Variants in ZYX observed in about 807,000 individuals in gnomAD.
ZYX encodes zyxin.
In ZYX, 37 loss-of-function variants were observed where a neutral mutation model predicts 58.1. That is an observed-to-expected ratio of 0.64 (90% CI 0.49 to 0.84). The LOEUF (loss-of-function observed/expected upper bound fraction) is 0.84, where lower values mean the gene tolerates loss of function less well. Ranked by LOEUF, ZYX falls within the 40% of genes least tolerant of loss-of-function variation. The probability of loss-of-function intolerance (pLI) is 0.00; values close to 1 mark genes in which losing one functional copy is unlikely to be tolerated. For missense variants in ZYX, 762 were observed against 761.6 expected (o/e 1.00, Z -0.01); for synonymous variants, 324 against 321.1 (o/e 1.01, Z -0.10).
In ZYX at chr7:143,382,359, C is replaced by T. The variant is rs1465309774; in HGVS notation, c.320C>T (p.Ala107Val). Residue 107 changes from alanine (A) to valine (V), a missense_variant, in exon 3 of 10, where the codon GCG (alanine) becomes GTG (valine). Transcript: ENST00000322764. ...PPPIEESFPP[A>V]PLEEEIFPSP... ...CCGATCGAGGAATCATTTCCCCCTG[C>T]GCCTCTGGAGGAGGAGATCTTCCCT... The T allele has an allele frequency of 6.3e-7, 1 of 1,599,536 alleles. No homozygotes were observed. Among genetic ancestry groups the T allele is most frequent in the East Asian group, 2.2e-5 (1 of 44,614 alleles).
Position 143,388,583 on chromosome 7 carries a change from C to T in ZYX, c.1239C>T (p.His413=). 1 of 1,612,710 alleles carries T rather than the reference C, an allele frequency of 6.2e-7. No homozygotes were observed. Among genetic ancestry groups the T allele is most frequent in the South Asian group, 1.1e-5 (1 of 91,088 alleles). Residue 413 remains histidine, a synonymous_variant, in exon 7 of 10, where the codon CAC becomes CAT. Coordinates refer to ENST00000322764, the MANE Select transcript of ZYX (RefSeq NM_003461.5). The surrounding 1 kb of genome is among the most constrained non-coding windows in gnomAD (Gnocchi z 7.5). ...TCCACATCGCCTGCTTCACCTGCCA[C>T]CAGTGTGCGCAGCAGCTCCAGGGCC... ...QLFHIACFTC[H]QCAQQLQGQQ...
intron 5 of ZYX, among the ~76,000 whole-genome samples, chr7:143,385,061 C>G (rs927596123): frequency 8.6e-5 from 13 of 151,914 alleles, no homozygotes; most frequent in Non-Finnish European, 1.6e-4. Flanking sequence ...CCAGGAGGTG[C>G]GGGAAGAAGA....
chr7:143,390,248 C>T lies in ZYX; in HGVS notation c.1614+271C>T, dbSNP rs1454074155. 2.0e-5 allele frequency: 11 copies of T among 544,102 alleles called. No individual in the cohort carries two copies. The highest frequency in any genetic ancestry group is 6.4e-5 in the East Asian group (2 of 31,060). The allele number at this position is 544,102 out of a possible 1,614,324, so 33.7% of individuals were successfully genotyped here. The stretch of plus-strand genomic sequence containing the variant: ...AGAGAAGAAGGGCATGGTGTTTTAC[C>T]GTGGTAGGGGATGGGGAAACAGGAG... On this transcript the variant is annotated intron_variant, in intron 9 of 9. Transcript: ENST00000322764. This position sits in a 1 kb window ranked among gnomAD's most constrained non-coding sequence, Gnocchi z 4.3.
chr7:143,388,737 C>G lies in ZYX; in HGVS notation c.1315-30C>G. On this transcript the variant is annotated intron_variant, in intron 7 of 9. Transcript: ENST00000322764. The surrounding 1 kb of genome is among the most constrained non-coding windows in gnomAD (Gnocchi z 7.5). ...GAAGCTTGCTGTGGGGTGCCGGTTCCCTGCCAACCTCCTCCTGCTGCCTCC... is the reference window on the plus strand; with the variant it reads ...GAAGCTTGCTGTGGGGTGCCGGTTCGCTGCCAACCTCCTCCTGCTGCCTCC... 1 of 1,610,254 alleles carries G rather than the reference C, an allele frequency of 6.2e-7. No homozygotes were observed. Among genetic ancestry groups the G allele is most frequent in the Non-Finnish European group, 8.5e-7 (1 of 1,177,514 alleles).
rs1489981327 is a variant in ZYX, at chr7:143,383,409, G to A, written c.1023+87G>A. On this transcript the variant is annotated intron_variant, in intron 5 of 9. Transcript: ENST00000322764. Reference sequence around the variant, plus strand: ...GCCAGAGCATAAGCATAAGGTGATTGGAGAGTCAGGGTGGACACGGGGGTT... The same window carrying A: ...GCCAGAGCATAAGCATAAGGTGATTAGAGAGTCAGGGTGGACACGGGGGTT... 2.0e-6 allele frequency: 3 copies of A among 1,464,262 alleles called. No homozygotes were observed. In the African/African-American group the frequency reaches 4.3e-5, roughly 21 times the overall value. The allele number at this position is 1,464,262 out of a possible 1,614,324, so 90.7% of individuals were successfully genotyped here.
rs531748711 is a variant in ZYX, at chr7:143,382,169, G to T, written c.209-79G>T. On this transcript the variant is annotated intron_variant, in intron 2 of 9. Transcript: ENST00000322764. ...CCCCTGAGAGAGTTCTTGGGTTAGG[G>T]GTTAGAGCGGTTAACTGAGGGGAGC... is the stretch of plus-strand genomic sequence containing the variant. 4 of 1,222,892 alleles carry T rather than the reference G, an allele frequency of 3.3e-6. No homozygotes were observed. In the Admixed American group the frequency reaches 6.0e-5, roughly 18 times the overall value. The allele number at this position is 1,222,892 out of a possible 1,614,324, so 75.8% of individuals were successfully genotyped here.
At position 143,387,813 on chromosome 7, in the gene ZYX, C is replaced by T. The variant is rs773267435; in HGVS notation, c.1024-406C>T. 2.1e-5 allele frequency: 10 copies of T among 475,886 alleles called. No individual in the cohort carries two copies. Among genetic ancestry groups the T allele is most frequent in the Admixed American group, 2.3e-5 (1 of 42,674 alleles). The allele number at this position is 475,886 out of a possible 1,614,324, so 29.5% of individuals were successfully genotyped here. A position where few individuals can be genotyped will look rare whatever the true frequency, so the allele number is the denominator to read the frequency against. On this transcript the variant is annotated intron_variant, in intron 5 of 9. Transcript: ENST00000322764. This position sits in a 1 kb window ranked among gnomAD's most constrained non-coding sequence, Gnocchi z 5.8. ...GTAGGTGTGTGTGCGCGTGTGTGCA[C>T]GCCATTGCGTGCCCCTGTCCCATGG...
Position 143,388,713 on chromosome 7 carries a change from A to C in ZYX, c.1315-54A>C, listed in dbSNP as rs1804956949. ...GCTGTGCTGGGCAGTCGGGCCCTGG[A>C]AGCTTGCTGTGGGGTGCCGGTTCCC... On this transcript the variant is annotated intron_variant, in intron 7 of 9. Coordinates refer to ENST00000322764, the MANE Select transcript of ZYX (RefSeq NM_003461.5). The surrounding 1 kb of genome is among the most constrained non-coding windows in gnomAD (Gnocchi z 7.5). The C allele has an allele frequency of 1.9e-6, 3 of 1,608,926 alleles. No individual in the cohort carries two copies. The Admixed American group carries it at 5.0e-5, about 27-fold the overall frequency.
At chr7:143,382,152 A>C in intron 2 of ZYX, 96 bp from the exon 3 acceptor site, 3 of 1,042,468 alleles carry the variant, frequency 2.9e-6, no homozygotes, top group Non-Finnish European at 4.2e-6. Flanking sequence ...GACCCCTGAG[A>C]GAGTTCTTGG....
At position 143,383,098 on chromosome 7, in the gene ZYX, T is replaced by C. The variant is rs748074626; in HGVS notation, c.799T>C (p.Ser267Pro). 6.2e-7 allele frequency: 1 copy of C among 1,614,138 alleles called. No homozygotes were observed. Among genetic ancestry groups the C allele is most frequent in the East Asian group, 2.2e-5 (1 of 44,878 alleles). The change falls in exon 5 of 10, where the codon TCT (serine) becomes CCT (proline). Residue 267 changes from serine (S) to proline (P), a missense_variant. Transcript: ENST00000322764. ...ATCTCCGGCTCCAGCCCCTAAGTTT[T>C]CTCCAGTGACTCCTAAGTTTACTCC... Reference protein sequence around the residue: ...ASSPAPAPKFSPVTPKFTPVA... With the variant: ...ASSPAPAPKFPPVTPKFTPVA...
In ZYX at chr7:143,388,859, C is replaced by A; in HGVS notation, c.1407C>A (p.Thr469=). ...TGKAYHPHCF[T]CVVCARPLEG... is the part of the protein sequence containing the mutation. ...AGGCCTATCACCCGCACTGCTTCAC[C>A]TGTGTGGTCTGCGCCCGCCCCCTGG... The change falls in exon 8 of 10, where the codon ACC becomes ACA. Residue 469 remains threonine (T), a synonymous_variant. Transcript: ENST00000322764. This position sits in a 1 kb window ranked among gnomAD's most constrained non-coding sequence, Gnocchi z 7.5. The A allele has an allele frequency of 6.2e-7, 1 of 1,614,020 alleles. No homozygotes were observed. The highest frequency in any genetic ancestry group is 8.5e-7 in the Non-Finnish European group (1 of 1,179,998).
rs1805041194 is a variant in ZYX, at chr7:143,390,747, C to G, written c.*65C>G. ...TTGTGGACCACCCACACTGAGACCA[C>G]CTGCCCCCACCTCAGTTATTGTTTT... On this transcript the variant is annotated 3_prime_UTR_variant, in exon 10 of 10. Coordinates refer to ENST00000322764, the MANE Select transcript of ZYX (RefSeq NM_003461.5). This position sits in a 1 kb window ranked among gnomAD's most constrained non-coding sequence, Gnocchi z 4.3. 8.7e-7 allele frequency: 1 copy of G among 1,153,382 alleles called. No individual in the cohort carries two copies. The highest frequency in any genetic ancestry group is 1.3e-6 in the Non-Finnish European group (1 of 792,112). 71.4% of individuals were successfully genotyped at this position (1,153,382 alleles called of 1,614,324 possible). A position where few individuals can be genotyped will look rare whatever the true frequency, so the allele number is the denominator to read the frequency against.
chr7:143,381,505 C>G, intron 1 of ZYX, 52 bp from the exon 2 acceptor site: 1 of 1,534,872 alleles, frequency 6.5e-7, no homozygotes, highest in African/African-American at 1.4e-5. Context: ...CTGGGACCGC[C>G]TGGGGCTCCT....
rs1351075340 is a variant in ZYX at position 143,387,552 on chromosome 7, C to T, written c.1024-667C>T. On this transcript the variant is annotated intron_variant, in intron 5 of 9. Transcript: ENST00000322764. The surrounding 1 kb of genome is among the most constrained non-coding windows in gnomAD (Gnocchi z 5.8). ...AACATCCACCCCCCACTCCAGTCCC[C>T]GGGATCCCCTAAATGGGAAGGTTGG... is the stretch of plus-strand genomic sequence containing the variant. Among the ~76,000 whole-genome samples, 4 of 152,158 alleles carry T rather than the reference C, an allele frequency of 2.6e-5. No individual in the cohort carries two copies. Among genetic ancestry groups the T allele is most frequent in the African/African-American group, 7.2e-5 (3 of 41,436 alleles).
intron 5 of ZYX, among the ~76,000 whole-genome samples, chr7:143,385,936 C>T (rs1415504572): frequency 2.7e-5 from 4 of 150,314 alleles, no homozygotes; most frequent in Admixed American, 6.6e-5. Context: ...TGAGCCACCG[C>T]GCCTGGCCTG....
chr7:143,390,283 G>A lies in ZYX; in HGVS notation c.1615-295G>A. On this transcript the variant is annotated intron_variant, in intron 9 of 9. Transcript: ENST00000322764. This position sits in a 1 kb window ranked among gnomAD's most constrained non-coding sequence, Gnocchi z 4.3. Reference sequence around the variant, plus strand: ...GATGGGGAAACAGGAGCTGAGAGAAGAGGTCTTCGAATGGAGGTGAGCCAA... The same window carrying A: ...GATGGGGAAACAGGAGCTGAGAGAAAAGGTCTTCGAATGGAGGTGAGCCAA... 1 of 547,168 alleles carries A rather than the reference G, an allele frequency of 1.8e-6. No individual in the cohort carries two copies. Among genetic ancestry groups the A allele is most frequent in the Admixed American group, 3.2e-5 (1 of 31,720 alleles). The allele number at this position is 547,168 out of a possible 1,614,324, so 33.9% of individuals were successfully genotyped here. A position where few individuals can be genotyped will look rare whatever the true frequency, so the allele number is the denominator to read the frequency against.
In ZYX at chr7:143,383,216, C is replaced by T. The variant is rs1045708388; in HGVS notation, c.917C>T (p.Thr306Ile). 4 of 1,614,204 alleles carry T rather than the reference C, an allele frequency of 2.5e-6. No homozygotes were observed. Among genetic ancestry groups the T allele is most frequent in the Middle Eastern group, 1.7e-4 (1 of 6,058 alleles). ...LGHPEALSAG[T>I]GSPQPPSFTY... ...CACCCCGAAGCTCTTTCTGCTGGCA[C>T]AGGCTCCCCTCAACCTCCCAGCTTC... The change falls in exon 5 of 10, where the codon ACA becomes ATA. Residue 306 changes from threonine to isoleucine, a missense_variant. By Grantham distance (89) the Thr-to-Ile change is moderately conservative. Transcript: ENST00000322764.
rs773528813 is a variant in ZYX at position 143,389,913 on chromosome 7, G to A, written c.1550G>A (p.Arg517Gln). The change falls in exon 9 of 10, where the codon CGA (arginine) becomes CAA (glutamine). Residue 517 changes from arginine (R) to glutamine (Q), a missense_variant. Coordinates refer to ENST00000322764, the MANE Select transcript of ZYX (RefSeq NM_003461.5). This position sits in a 1 kb window ranked among gnomAD's most constrained non-coding sequence, Gnocchi z 5.6. The stretch of plus-strand genomic sequence containing the variant: ...GAGCCCATCATGCCTGAGCCTGGCC[G>A]AGATGAGACTGTGCGAGTGGTCGCC... ...CSEPIMPEPG[R>Q]DETVRVVALD... 5.0e-6 allele frequency: 8 copies of A among 1,614,074 alleles called. No homozygotes were observed. The highest frequency in any genetic ancestry group is 1.7e-5 in the Admixed American group (1 of 60,002).
rs559228739 is a variant in ZYX, at chr7:143,381,899, T to C, written c.208+120T>C. 2.2e-3 allele frequency: 2,237 copies of C among 1,024,786 alleles called. 4 individuals are homozygous for C. Among genetic ancestry groups the C allele is most frequent in the Non-Finnish European group, 2.8e-3 (2,064 of 724,838 alleles). The allele number at this position is 1,024,786 out of a possible 1,614,324, so 63.5% of individuals were successfully genotyped here. On this transcript the variant is annotated intron_variant, in intron 2 of 9. Coordinates refer to ENST00000322764, the MANE Select transcript of ZYX (RefSeq NM_003461.5). ...GAGGGGGCTGGGCGCAGCCACCCTG[T>C]CCCGAGCAGATGTTCTTACCTCATC...
Sources: gnomAD v4.1 joint callset for allele counts (sites outside exome capture counted in the v4.1 genomes callset) on GRCh38, gnomAD v4.1.1 for gene constraint, Gnocchi (gnomAD v3.1) non-coding constraint, MANE v1.5 for transcripts, NCBI Gene and HGNC (gene_info 2026-07-23, HGNC 2026-07-21) for gene names.